Variants in RSU1 observed in about 807,000 individuals in gnomAD.
RSU1 encodes Ras suppressor protein 1.
Under a neutral mutation model 31.1 loss-of-function variants are expected in RSU1, and 26 were observed. The ratio of observed to expected loss-of-function variants is 0.84; its 90% CI spans 0.61 to 1.16. The LOEUF (loss-of-function observed/expected upper bound fraction) is 1.16. Ranked by LOEUF, RSU1 falls within the 50% of genes most tolerant of loss-of-function variation. RSU1 has a pLI of 0.00. For missense variants in RSU1, 320 were observed against 339.1 expected, an observed-to-expected ratio of 0.94 and a Z score of 0.44; for synonymous variants, 164 against 136.3, an observed-to-expected ratio of 1.20 and a Z score of -1.41.
Position 16,645,794 on chromosome 10 carries a change from G to A in RSU1, c.731+49229C>T, listed in dbSNP as rs181473905. 1.6e-3 allele frequency among the ~76,000 whole-genome samples: 236 copies of A among 147,864 alleles called. 9 individuals are homozygous for A. Among genetic ancestry groups the A allele is most frequent in the African/African-American group, 5.5e-3 (221 of 40,228 alleles). ...TGCACTCCAGCCTGGACGACAGAGC[G>A]AGACTCTGTCACAAAAAAAACAACA... On this transcript the variant is annotated intron_variant, in intron 8 of 8. Coordinates refer to ENST00000345264, the MANE Select transcript of RSU1 (RefSeq NM_012425.4).
At chr10:16,638,227 A>G (rs1212462113) in intron 8 of RSU1, among the ~76,000 whole-genome samples, 1 of 152,016 alleles carries the variant, frequency 6.6e-6, no homozygotes, top group Non-Finnish European at 1.5e-5. Context: ...CTCCCTGGAC[A>G]CTCATGATGT....
chr10:16,794,657 G>A (rs970821682), intron 2 of RSU1, among the ~76,000 whole-genome samples: 4 of 152,180 alleles, frequency 2.6e-5, no homozygotes, highest in East Asian at 1.9e-4. Context: ...AAGATTCCAC[G>A]GGCCAGCAGA....
chr10:16,764,852 T>C (rs1252079727), intron 3 of RSU1, among the ~76,000 whole-genome samples: 3 of 152,092 alleles, frequency 2.0e-5, no homozygotes, highest in Admixed American at 6.5e-5. Context: ...TATATACTTA[T>C]GGTTGTCATA....
At chr10:16,735,840 T>C (rs7897354) in intron 7 of RSU1, among the ~76,000 whole-genome samples, 85,998 of 151,892 alleles carry the variant, frequency 0.57, 24,519 homozygotes, top group East Asian at 0.73. Context: ...GTCCCTCCCA[T>C]ATGTGGAGAT....
chr10:16,751,677 C>T (rs1480303946), intron 7 of RSU1, among the ~76,000 whole-genome samples: 2 of 152,202 alleles, frequency 1.3e-5, no homozygotes, highest in African/African-American at 2.4e-5. Context: ...AACAAATGGC[C>T]TCTTCAAACT....
intron 8 of RSU1, among the ~76,000 whole-genome samples, chr10:16,633,236 C>T (rs965988984): frequency 6.6e-6 from 1 of 152,064 alleles, no homozygotes; most frequent in Non-Finnish European, 1.5e-5. Context: ...ATTGCTGTGG[C>T]TGGGAGTCAT....
intron 8 of RSU1, among the ~76,000 whole-genome samples, chr10:16,653,537 A>AT (rs757239812): frequency 2.5e-4 from 38 of 151,644 alleles, no homozygotes; most frequent in Admixed American, 5.9e-4. Context: ...AACAATCGAG[A>AT]TTTTTTTTTC....
At chr10:16,768,355 C>T (rs1398901483) in intron 3 of RSU1, among the ~76,000 whole-genome samples, 1 of 152,186 alleles carries the variant, frequency 6.6e-6, no homozygotes, top group Non-Finnish European at 1.5e-5. Flanking sequence ...AATAATTCAA[C>T]AAATGGGGCT....
intron 8 of RSU1, among the ~76,000 whole-genome samples, chr10:16,598,978 A>C (rs3954127): frequency 2.6e-5 from 4 of 152,218 alleles, no homozygotes; most frequent in Non-Finnish European, 5.9e-5. Flanking sequence ...GGTGTGTCCC[A>C]AAGGAAAAAT....
intron 3 of RSU1, among the ~76,000 whole-genome samples, chr10:16,776,000 G>A (rs1364419166): frequency 2.0e-5 from 3 of 152,098 alleles, no homozygotes; most frequent in Admixed American, 6.5e-5. Flanking sequence ...CCCCCCTCAT[G>A]GTTTAATTTC....
intron 4 of RSU1, among the ~76,000 whole-genome samples, chr10:16,761,040 C>G (rs970743569): frequency 1.3e-5 from 2 of 152,302 alleles, no homozygotes; most frequent in East Asian, 1.9e-4. Context: ...CTCCTGGGTT[C>G]AAACGATTCT....
At chr10:16,603,749 ATTTCT>A (rs1250875641) in intron 8 of RSU1, among the ~76,000 whole-genome samples, 3 of 152,198 alleles carry the variant, frequency 2.0e-5, no homozygotes, top group Non-Finnish European at 4.4e-5. Flanking sequence ...CCTGGAGTGG[ATTTCT>A]TTTATTTATG....
intron 8 of RSU1, among the ~76,000 whole-genome samples, chr10:16,658,321 A>G (rs1320965069): frequency 2.6e-5 from 4 of 152,238 alleles, no homozygotes; most frequent in Admixed American, 1.3e-4. Context: ...ACTGGTATCC[A>G]TCTGGGATGC....
intron 3 of RSU1, chr10:16,767,189 A>T (rs1837330969): frequency 6.6e-6 from 1 of 152,216 alleles, no homozygotes; most frequent in Non-Finnish European, 1.5e-5. Flanking sequence ...GATTAGTTTG[A>T]AGAGCACATT....
At chr10:16,785,429 T>TATATATATATACACATATATAC (rs1837758361) in intron 2 of RSU1, among the ~76,000 whole-genome samples, 1 of 93,146 alleles carries the variant, frequency 1.1e-5, no homozygotes, top group Admixed American at 1.0e-4. Flanking sequence ...CATATATACA[T>TATATATATATACACATATATAC]ATATATATAT....
At chr10:16,674,593 A>C (rs1168917691) in intron 8 of RSU1, among the ~76,000 whole-genome samples, 1 of 152,060 alleles carries the variant, frequency 6.6e-6, no homozygotes, top group Non-Finnish European at 1.5e-5. Context: ...CATTCTAAGC[A>C]TAAGAGAGAC....
At chr10:16,709,217 T>C (rs1835968226) in intron 7 of RSU1, among the ~76,000 whole-genome samples, 2 of 148,186 alleles carry the variant, frequency 1.3e-5, no homozygotes, top group Non-Finnish European at 3.0e-5. Context: ...CATTGTTCAA[T>C]TCCCATCTAT....
At chr10:16,742,307 T>C (rs771606992) in intron 7 of RSU1, among the ~76,000 whole-genome samples, 14 of 152,144 alleles carry the variant, frequency 9.2e-5, no homozygotes, top group Non-Finnish European at 1.8e-4. Flanking sequence ...AATATAAATA[T>C]GAAAGACTGA....
intron 2 of RSU1, among the ~76,000 whole-genome samples, chr10:16,786,847 C>T (rs1837802049): frequency 6.6e-6 from 1 of 152,184 alleles, no homozygotes; most frequent in Non-Finnish European, 1.5e-5. Flanking sequence ...GAAACCGGGA[C>T]AGCTCTGTGC....
Sources: gnomAD v4.1 joint callset for allele counts (sites outside exome capture counted in the v4.1 genomes callset) on GRCh38, gnomAD v4.1.1 for gene constraint, MANE v1.5 for transcripts, NCBI Gene and HGNC (gene_info 2026-07-23, HGNC 2026-07-21) for gene names.